TULP4: variants seen among roughly 807,000 people sequenced by gnomAD.
TULP4 encodes the protein TUB like protein 4, also known as tubby-related protein 4.
Under a neutral mutation model 129.0 loss-of-function variants are expected in TULP4, and 16 were observed. That is an observed-to-expected ratio of 0.12 (90% confidence interval 0.08 to 0.19). TULP4 has a LOEUF of 0.19. Ranked by LOEUF, TULP4 falls within the 10% of genes least tolerant of loss-of-function variation. The pLI is 1.00. For missense variants in TULP4, 1,842 were observed against 2,059.1 expected (o/e 0.89, Z 2.04); for synonymous variants, 998 against 854.0 (o/e 1.17, Z -2.94).
chr6:158,245,954 C>T (rs187805), intron 1 of TULP4, among the ~76,000 whole-genome samples: 9,750 of 151,848 alleles, frequency 0.064, 376 homozygotes, highest in East Asian at 0.092. Context: ...TTTAATTCTC[C>T]TGTCATAAGA....
intron 7 of TULP4, 95 bp from the exon 8 acceptor site, chr6:158,480,960 C>G (rs1392993119): frequency 1.7e-5 from 19 of 1,097,904 alleles, no homozygotes; most frequent in Non-Finnish European, 2.5e-5. Context: ...GGAACAGTAG[C>G]GTTTTTAGTT....
intron 13 of TULP4, among the ~76,000 whole-genome samples, chr6:158,504,496 G>T (rs10945547): frequency 2.0e-5 from 3 of 150,488 alleles, no homozygotes; most frequent in Non-Finnish European, 1.5e-5. Flanking sequence ...ACACGTGCCC[G>T]CCACCATGCC....
At chr6:158,328,158 T>A (rs1779793037) in intron 1 of TULP4, among the ~76,000 whole-genome samples, 1 of 139,212 alleles carries the variant, frequency 7.2e-6, no homozygotes. Flanking sequence ...GTAGACCTAG[T>A]TATATGAAAG....
At chr6:158,274,189 T>G (rs9364892) in intron 1 of TULP4, among the ~76,000 whole-genome samples, 23,170 of 150,282 alleles carry the variant, frequency 0.15, 2,455 homozygotes, top group East Asian at 0.44. Flanking sequence ...ACCCGGGAGG[T>G]GGAGGTTGTA....
At chr6:158,471,662 G>T (rs1395300777) in intron 6 of TULP4, among the ~76,000 whole-genome samples, 12 of 152,202 alleles carry the variant, frequency 7.9e-5, no homozygotes, top group Admixed American at 7.9e-4. Context: ...TGAGGCCAGG[G>T]CATTGGCAAA....
In TULP4 at chr6:158,502,594, G is replaced by A; in HGVS notation, c.2931G>A (p.Arg977=). 5 of 1,601,772 alleles carry A rather than the reference G, an allele frequency of 3.1e-6. No individual in the cohort carries two copies. The highest frequency in any genetic ancestry group is 4.2e-6 in the Non-Finnish European group (5 of 1,179,782). The change falls in exon 13 of 14, where the codon AGG becomes AGA. Residue 977 remains arginine, a synonymous_variant. Coordinates refer to ENST00000367097, the MANE Select transcript of TULP4 (RefSeq NM_020245.5). ...QLAQGRGAAQ[R]SDNSLIHATL... ...CCCAGGGGCGGGGGGCTGCCCAGAGGTCCGACAATAGCCTCATCCACGCTA... is the reference window on the plus strand; with the variant it reads ...CCCAGGGGCGGGGGGCTGCCCAGAGATCCGACAATAGCCTCATCCACGCTA...
At chr6:158,499,174 C>T (rs1780393462) in intron 12 of TULP4, among the ~76,000 whole-genome samples, 1 of 152,216 alleles carries the variant, frequency 6.6e-6, no homozygotes, top group Non-Finnish European at 1.5e-5. Context: ...AGAACTGAGA[C>T]TCAATCTCAT....
At position 158,489,666 on chromosome 6, in the gene TULP4, G is replaced by A. The variant is rs12206717; in HGVS notation, c.1565G>A (p.Ser522Asn). 84,890 of 1,614,178 alleles carry A rather than the reference G, an allele frequency of 0.053. 2,572 individuals carry two copies. Among genetic ancestry groups the A allele is most frequent in the South Asian group, 0.091 (8,295 of 91,080 alleles). ...TCAGACTCCAGTGACATTGAGCTGA[G>A]TGATGACTGGGCTGCCAAGAAATCT... Reference protein sequence around the residue: ...NCSDSSDIELSDDWAAKKSPK... With the variant: ...NCSDSSDIELNDDWAAKKSPK... The change falls in exon 9 of 14, where the codon AGT becomes AAT. Residue 522 changes from serine (S) to asparagine (N), a missense_variant. Physicochemically the swap from Ser to Asn is conservative, Grantham distance 46. This residue lies in a region of TULP4 where 456 missense variants were observed against 534.3 expected (regional missense o/e 0.85). Transcript: ENST00000367097.
At chr6:158,470,389 T>A (rs1376165980) in intron 6 of TULP4, among the ~76,000 whole-genome samples, 1 of 152,166 alleles carries the variant, frequency 6.6e-6, no homozygotes, top group South Asian at 2.1e-4. Flanking sequence ...CCAAAGGGGG[T>A]TGCCGTTGCC....
intron 1 of TULP4, among the ~76,000 whole-genome samples, chr6:158,375,998 A>T (rs1233919075): frequency 6.6e-6 from 1 of 152,226 alleles, no homozygotes. Context: ...CTGGGATTTC[A>T]GGTCAGGGAA....
chr6:158,364,235 T>G (rs1780869404), intron 1 of TULP4, among the ~76,000 whole-genome samples: 1 of 152,184 alleles, frequency 6.6e-6, no homozygotes, highest in South Asian at 2.1e-4. Flanking sequence ...GAAGTTAAAA[T>G]ATGGAAGTGT....
intron 5 of TULP4, among the ~76,000 whole-genome samples, chr6:158,460,444 G>A (rs1402854615): frequency 7.5e-6 from 1 of 133,530 alleles, no homozygotes; most frequent in Non-Finnish European, 1.6e-5. Context: ...CGATTTTAGG[G>A]TCTTGAAGGA....
chr6:158,458,410 A>C (rs1189163870), intron 5 of TULP4, among the ~76,000 whole-genome samples: 1 of 152,198 alleles, frequency 6.6e-6, no homozygotes, highest in East Asian at 1.9e-4. Flanking sequence ...AGATGCTTCC[A>C]GAGTACGGAC....
At chr6:158,232,391 G>C (rs1374851965) in intron 1 of TULP4, 2 of 149,402 alleles carry the variant, frequency 1.3e-5, no homozygotes, top group Non-Finnish European at 3.0e-5. Context: ...CGCCGGGCGT[G>C]TGTGCCCCTG....
upstream of TULP4, among the ~76,000 whole-genome samples, chr6:158,279,001 G>T (rs867035021): frequency 6.8e-6 from 1 of 147,332 alleles, no homozygotes; most frequent in Non-Finnish European, 1.5e-5. Context: ...GTGCAGTGGC[G>T]TGATCTCGGC....
At chr6:158,424,319 G>A (rs560330738) in intron 2 of TULP4, among the ~76,000 whole-genome samples, 15 of 152,098 alleles carry the variant, frequency 9.9e-5, no homozygotes, top group Non-Finnish European at 1.9e-4. Flanking sequence ...GCTTGATATC[G>A]GCTCACTGCA....
Position 158,479,883 on chromosome 6 carries a change from A to G in TULP4, c.1159A>G (p.Ser387Gly), listed in dbSNP as rs745795781. 1 of 1,613,532 alleles carries G rather than the reference A, an allele frequency of 6.2e-7. No homozygotes were observed. Among genetic ancestry groups the G allele is most frequent in the Non-Finnish European group, 8.5e-7 (1 of 1,180,026 alleles). ...GCTGCTGTGCCAGCAGGCCATCGCC[A>G]GCACCTTGCGTGAGGACAAGGACGT... Reference protein sequence around the residue: ...LQLLCQQAIASTLREDKDVSK... With the variant: ...LQLLCQQAIAGTLREDKDVSK... The change falls in exon 7 of 14, where the codon AGC becomes GGC. Residue 387 changes from serine to glycine, a missense_variant. Ser to Gly is a moderately conservative substitution (Grantham distance 56). This residue lies in a region of TULP4 where 456 missense variants were observed against 534.3 expected (regional missense o/e 0.85). Coordinates refer to ENST00000367097, the MANE Select transcript of TULP4 (RefSeq NM_020245.5).
chr6:158,290,876 GC>G (rs1778926334), intron 1 of TULP4, among the ~76,000 whole-genome samples: 1 of 152,092 alleles, frequency 6.6e-6, no homozygotes. Context: ...ACTGAAACCG[GC>G]AGCCTGGTGT....
chr6:158,310,117 A>G (rs1407195999), upstream of TULP4, among the ~76,000 whole-genome samples: 1 of 152,098 alleles, frequency 6.6e-6, no homozygotes, highest in Non-Finnish European at 1.5e-5. Flanking sequence ...GCATTACTAT[A>G]AGGAATACCT....
Sources: gnomAD v4.1 joint callset for allele counts (sites outside exome capture counted in the v4.1 genomes callset) on GRCh38, gnomAD v4.1.1 for gene constraint, gnomAD v4.1.1 regional missense constraint, MANE v1.5 for transcripts, NCBI Gene and HGNC (gene_info 2026-07-23, HGNC 2026-07-21) for gene names.